Variants in HMCN1 observed in about 807,000 individuals in gnomAD.
The protein encoded by HMCN1 is hemicentin-1.
Under a neutral mutation model 625.9 loss-of-function variants are expected in HMCN1, and 321 were observed. The ratio of observed to expected loss-of-function variants is 0.51; its 90% confidence interval spans 0.47 to 0.56. The LOEUF is 0.56. Among genes scored for constraint, HMCN1 ranks in the 20% least tolerant of loss-of-function variants. HMCN1 has a pLI of 0.00. For missense variants in HMCN1, 6,588 were observed against 6,887.3 expected, an observed-to-expected ratio of 0.96 and a Z score of 1.54; for synonymous variants, 2,425 against 2,417.6, an observed-to-expected ratio of 1.00 and a Z score of -0.09.
intron 48 of HMCN1, 143 bp from the exon 49 acceptor site, chr1:186,065,095 T>G: frequency 1.6e-6 from 1 of 624,174 alleles, no homozygotes; most frequent in Non-Finnish European, 2.8e-6. Context: ...TTAGCTTGCA[T>G]AGTTATTTTT....
chr1:185,975,335 G>A (rs1199991757), intron 15 of HMCN1, among the ~76,000 whole-genome samples: 2 of 152,122 alleles, frequency 1.3e-5, no homozygotes, highest in East Asian at 3.8e-4. Flanking sequence ...GCATGGCTAG[G>A]GAGGACTCAG....
intron 13 of HMCN1, among the ~76,000 whole-genome samples, chr1:185,965,161 C>A (rs1650315539): frequency 6.6e-6 from 1 of 152,006 alleles, no homozygotes; most frequent in Non-Finnish European, 1.5e-5. Flanking sequence ...ATTGGGCAAG[C>A]AAGTGAAGCA....
At chr1:185,891,378 C>T (rs1240907290) in intron 4 of HMCN1, among the ~76,000 whole-genome samples, 1 of 147,078 alleles carries the variant, frequency 6.8e-6, no homozygotes, top group East Asian at 1.9e-4. Context: ...TTATTTTGCT[C>T]GTTAGTTGAT....
chr1:186,154,724 C>A (rs1280921923), intron 97 of HMCN1, among the ~76,000 whole-genome samples: 2 of 152,156 alleles, frequency 1.3e-5, no homozygotes, highest in African/African-American at 4.8e-5. Context: ...AACTGTGCAG[C>A]AATAATCAGG....
At chr1:185,809,509 A>G in intron 1 of HMCN1, among the ~76,000 whole-genome samples, 1 of 151,690 alleles carries the variant, frequency 6.6e-6, no homozygotes, top group East Asian at 1.9e-4. Context: ...ATTTCTAGGC[A>G]TAATATATAT....
At chr1:186,113,869 C>G in intron 72 of HMCN1, 110 bp from the exon 73 acceptor site, 1 of 1,186,464 alleles carries the variant, frequency 8.4e-7, no homozygotes, top group South Asian at 1.2e-5. Flanking sequence ...TTCTTGTAGA[C>G]AAAGCTATAC....
At chr1:185,872,231 T>C (rs988462218) in intron 4 of HMCN1, among the ~76,000 whole-genome samples, 2 of 152,192 alleles carry the variant, frequency 1.3e-5, no homozygotes, top group Non-Finnish European at 2.9e-5. Flanking sequence ...ACCTGAACTT[T>C]AGTTTCAATG....
In HMCN1 at chr1:185,997,352, A is replaced by G. The variant is rs1652862073; in HGVS notation, c.3779-77A>G. 5 of 839,194 alleles carry G rather than the reference A, an allele frequency of 6.0e-6. No homozygotes were observed. The Admixed American group carries it at 6.9e-5, about 12-fold the overall frequency. 52.0% of individuals were successfully genotyped at this position (839,194 alleles called of 1,614,324 possible). A position where few individuals can be genotyped will look rare whatever the true frequency, so the allele number is the denominator to read the frequency against. On this transcript the variant is annotated intron_variant, in intron 24 of 106. Coordinates refer to ENST00000271588, the MANE Select transcript of HMCN1 (RefSeq NM_031935.3). ...AGCAGAGATAGCAACTCATCAGTGC[A>G]GGTAGTTAATTGTGCCTTAGGAGAG...
intron 1 of HMCN1, among the ~76,000 whole-genome samples, chr1:185,809,055 T>C (rs1659346892): frequency 6.6e-6 from 1 of 152,196 alleles, no homozygotes; most frequent in Non-Finnish European, 1.5e-5. Context: ...TCGACTTACC[T>C]AATGATAGTA....
chr1:186,133,670 T>C (rs1649358441), intron 86 of HMCN1, among the ~76,000 whole-genome samples: 1 of 152,168 alleles, frequency 6.6e-6, no homozygotes, highest in African/African-American at 2.4e-5. Flanking sequence ...TTTGCCAAAC[T>C]ATATAATTCT....
chr1:185,905,956 A>G (rs1481400272), intron 4 of HMCN1, among the ~76,000 whole-genome samples: 1 of 151,844 alleles, frequency 6.6e-6, no homozygotes, highest in Non-Finnish European at 1.5e-5. Flanking sequence ...TTATATTAAA[A>G]CATTTAATGT....
chr1:186,103,581 C>A lies in HMCN1; in HGVS notation c.10683C>A (p.Thr3561=), dbSNP rs762157977. The A allele has an allele frequency of 2.5e-6, 4 of 1,613,784 alleles. No homozygotes were observed. The Admixed American group carries it at 6.7e-5, about 27-fold the overall frequency. The part of the protein sequence containing the change: ...IASGIPAPKM[T]WMKDGRPLPQ... ...CTGGAATCCCAGCCCCTAAAATGAC[C>A]TGGATGAAAGATGGCCGGCCCCTTC... Residue 3561 remains threonine, a synonymous_variant, in exon 69 of 107, where the codon ACC becomes ACA. Coordinates refer to ENST00000271588, the MANE Select transcript of HMCN1 (RefSeq NM_031935.3).
chr1:186,123,329 C>T (rs902476720), intron 81 of HMCN1, 109 bp downstream of exon 81: 2 of 1,324,670 alleles, frequency 1.5e-6, no homozygotes, highest in African/African-American at 1.5e-5. Context: ...ACTCAGTAAT[C>T]CAAAGTGTGT....
chr1:185,978,050 G>A, intron 16 of HMCN1, 69 bp downstream of exon 16: 3 of 1,099,444 alleles, frequency 2.7e-6, no homozygotes, highest in Non-Finnish European at 4.0e-6. Context: ...TTTATACATA[G>A]GTATTGCTAT....
At chr1:185,807,658 C>T (rs1659255920) in intron 1 of HMCN1, among the ~76,000 whole-genome samples, 1 of 152,108 alleles carries the variant, frequency 6.6e-6, no homozygotes, top group South Asian at 2.1e-4. Context: ...GTAAGCCTTC[C>T]AATGTTATTT....
intron 11 of HMCN1, among the ~76,000 whole-genome samples, chr1:185,942,097 G>A (rs1365132203): frequency 2.6e-5 from 4 of 151,176 alleles, no homozygotes; most frequent in East Asian, 2.0e-4. Flanking sequence ...AGGATGAGGC[G>A]GGAGAATCAC....
chr1:185,741,667 A>G (rs910011554), intron 1 of HMCN1, among the ~76,000 whole-genome samples: 2 of 152,230 alleles, frequency 1.3e-5, no homozygotes, highest in African/African-American at 4.8e-5. Flanking sequence ...AGAGTATGTT[A>G]TCCTAGAAGT....
chr1:186,026,161 T>C (rs936186692), intron 36 of HMCN1, among the ~76,000 whole-genome samples: 1 of 152,228 alleles, frequency 6.6e-6, no homozygotes, highest in Non-Finnish European at 1.5e-5. Flanking sequence ...TACTTGCATT[T>C]ATAACTTTAC....
intron 4 of HMCN1, among the ~76,000 whole-genome samples, chr1:185,895,816 C>T (rs969160832): frequency 1.3e-5 from 2 of 152,206 alleles, no homozygotes; most frequent in African/African-American, 4.8e-5. Flanking sequence ...GTAAAGAATA[C>T]ACAGTGTTAG....
Sources: gnomAD v4.1 joint callset for allele counts (sites outside exome capture counted in the v4.1 genomes callset) on GRCh38, gnomAD v4.1.1 for gene constraint, MANE v1.5 for transcripts, NCBI Gene and HGNC (gene_info 2026-07-23, HGNC 2026-07-21) for gene names.